MAST4: variants seen among roughly 807,000 people sequenced by gnomAD.
MAST4 encodes the protein microtubule associated serine/threonine kinase family member 4, also known as microtubule-associated serine/threonine-protein kinase 4.
In MAST4, 89 loss-of-function variants were observed where a neutral mutation model predicts 162.7. The observed-to-expected ratio is 0.55, with a 90% CI of 0.46 to 0.65. The LOEUF is 0.65. MAST4 is among the 30% of genes least tolerant of loss of function. The pLI is 0.00. For missense variants in MAST4, 3,153 were observed against 3,374.0 expected, an observed-to-expected ratio of 0.93 and a Z score of 1.62; for synonymous variants, 1,479 against 1,361.1, an observed-to-expected ratio of 1.09 and a Z score of -1.91.
At chr5:66,623,867 A>G (rs1744234685) in intron 1 of MAST4, among the ~76,000 whole-genome samples, 2 of 152,224 alleles carry the variant, frequency 1.3e-5, no homozygotes, top group South Asian at 4.1e-4. Context: ...GGAAAATCCT[A>G]AAGACTTCAC....
chr5:66,992,014 ACT>A (rs2150282573), intron 4 of MAST4, among the ~76,000 whole-genome samples: 1 of 152,280 alleles, frequency 6.6e-6, no homozygotes, highest in South Asian at 2.1e-4. Context: ...CTTGTAAATC[ACT>A]CTCAAGTTAT....
intron 1 of MAST4, among the ~76,000 whole-genome samples, chr5:66,618,194 G>T (rs897445988): frequency 1.3e-5 from 2 of 152,164 alleles, no homozygotes; most frequent in Admixed American, 6.5e-5. Flanking sequence ...CCTTTTCTGC[G>T]CAGGAACTAC....
intron 16 of MAST4, among the ~76,000 whole-genome samples, chr5:67,133,004 T>C (rs1213741818): frequency 1.3e-5 from 2 of 152,184 alleles, no homozygotes; most frequent in African/African-American, 4.8e-5. Context: ...ATATATTTAA[T>C]TGCAGATTCT....
intron 4 of MAST4, among the ~76,000 whole-genome samples, chr5:67,011,128 C>G (rs547459142): frequency 1.5e-3 from 233 of 152,252 alleles, no homozygotes; most frequent in Non-Finnish European, 2.2e-3. Flanking sequence ...TCCTTTGTGA[C>G]ATGTTTAGGT....
intron 24 of MAST4, among the ~76,000 whole-genome samples, chr5:67,152,246 T>G (rs1192234899): frequency 6.6e-6 from 1 of 152,242 alleles, no homozygotes; most frequent in East Asian, 1.9e-4. Flanking sequence ...CATGAAGACA[T>G]ACTTGAAATA....
intron 5 of MAST4, among the ~76,000 whole-genome samples, chr5:67,087,148 C>T (rs1302858657): frequency 1.3e-5 from 2 of 152,158 alleles, no homozygotes; most frequent in Non-Finnish European, 2.9e-5. Flanking sequence ...TCTGTTACCA[C>T]CACGACTCCA....
At chr5:66,760,079 ATTTATTTATTTATTTATTTATTT>A (rs1753770656) in intron 2 of MAST4, among the ~76,000 whole-genome samples, 1 of 136,048 alleles carries the variant, frequency 7.4e-6, no homozygotes, top group African/African-American at 2.7e-5. Flanking sequence ...AATATCCCCT[ATTTATTTATTTATTTATTTATTT>A]ATTTATTTAT....
At chr5:67,123,014 A>C (rs1377831637) in intron 14 of MAST4, among the ~76,000 whole-genome samples, 1 of 152,090 alleles carries the variant, frequency 6.6e-6, no homozygotes, top group African/African-American at 2.4e-5. Context: ...TCAACGTTTT[A>C]ATAATCTTTA....
chr5:67,086,956 G>A (rs1212681131), intron 5 of MAST4, among the ~76,000 whole-genome samples: 1 of 152,188 alleles, frequency 6.6e-6, no homozygotes, highest in Non-Finnish European at 1.5e-5. Flanking sequence ...TAACAAAATA[G>A]TATTGCTAAG....
intron 4 of MAST4, among the ~76,000 whole-genome samples, chr5:67,019,912 T>C (rs1409763736): frequency 6.6e-6 from 1 of 152,154 alleles, no homozygotes; most frequent in Non-Finnish European, 1.5e-5. Flanking sequence ...GAAATTAATA[T>C]TTAGGTAACA....
At chr5:66,727,075 A>G (rs932050042) in intron 1 of MAST4, among the ~76,000 whole-genome samples, 6 of 152,114 alleles carry the variant, frequency 3.9e-5, no homozygotes, top group African/African-American at 1.4e-4. Context: ...TGGCCAGGAT[A>G]GATTTAGGAA....
At chr5:66,640,091 C>T (rs920320345) in intron 1 of MAST4, among the ~76,000 whole-genome samples, 6 of 152,136 alleles carry the variant, frequency 3.9e-5, no homozygotes, top group Non-Finnish European at 7.4e-5. Context: ...ACTCCCCATT[C>T]CCCCACCTCT....
chr5:66,828,092 T>C (rs1478967655), intron 3 of MAST4, among the ~76,000 whole-genome samples: 1 of 152,176 alleles, frequency 6.6e-6, no homozygotes, highest in Non-Finnish European at 1.5e-5. Flanking sequence ...CCCAACCTTT[T>C]TACATTTTGG....
rs148197851 is a variant in MAST4, at chr5:66,745,520, C to T, written c.364-14189C>T. 5.5e-3 allele frequency among the ~76,000 whole-genome samples: 838 copies of T among 152,314 alleles called. 14 individuals carry two copies. The highest frequency in any genetic ancestry group is 7.7e-3 in the Non-Finnish European group (524 of 68,028). On this transcript the variant is annotated intron_variant, in intron 1 of 28. Coordinates refer to ENST00000403625, the MANE Select transcript of MAST4 (RefSeq NM_001164664.2). ...TCGATTAATGATCAATATACAGCTC[C>T]GTACTGCTCTGTGCTCCATCCTGGA...
At chr5:66,789,551 A>C (rs1242596494) in intron 3 of MAST4, among the ~76,000 whole-genome samples, 2 of 152,040 alleles carry the variant, frequency 1.3e-5, no homozygotes, top group Admixed American at 6.6e-5. Context: ...TATTTCTCAT[A>C]TTTGTTTGCT....
intron 4 of MAST4, among the ~76,000 whole-genome samples, chr5:66,982,734 G>A (rs1001802447): frequency 1.3e-5 from 2 of 152,120 alleles, no homozygotes; most frequent in African/African-American, 2.4e-5. Context: ...ATCAGTTAAT[G>A]TGCTTTCCCT....
At chr5:67,020,639 T>C (rs1753857613) in intron 4 of MAST4, among the ~76,000 whole-genome samples, 1 of 152,218 alleles carries the variant, frequency 6.6e-6, no homozygotes, top group South Asian at 2.1e-4. Flanking sequence ...CCTTCTCATG[T>C]AGTAGAAAGG....
At chr5:66,876,570 G>A (rs925533044) in intron 3 of MAST4, among the ~76,000 whole-genome samples, 1 of 152,122 alleles carries the variant, frequency 6.6e-6, no homozygotes. Flanking sequence ...TACAATGGGG[G>A]AAGTCACACC....
Position 67,165,749 on chromosome 5 carries a change from C to T in MAST4, c.6570C>T (p.Ser2190=). Residue 2190 remains serine (S), a synonymous_variant, in exon 29 of 29, where the codon AGC becomes AGT. Transcript: ENST00000403625. ...PKPVAAHSES[S]SHKPRPGPDP... ...CTGTTGCTGCGCACAGTGAAAGCAGCAGCCACAAGCCCCGGCCTGGCCCTG... is the reference window on the plus strand; with the variant it reads ...CTGTTGCTGCGCACAGTGAAAGCAGTAGCCACAAGCCCCGGCCTGGCCCTG... The T allele has an allele frequency of 1.3e-6, 2 of 1,585,304 alleles. No individual in the cohort carries two copies. Among genetic ancestry groups the T allele is most frequent in the Non-Finnish European group, 1.7e-6 (2 of 1,166,528 alleles).
Sources: allele counts gnomAD v4.1 joint callset (sites outside exome capture counted in the v4.1 genomes callset), GRCh38; gene constraint gnomAD v4.1.1; transcripts MANE v1.5; gene names NCBI Gene and HGNC (gene_info 2026-07-23, HGNC 2026-07-21).